The following SLC38A8 variants were observed in gnomAD, a reference collection of about 807,000 sequenced individuals.
SLC38A8 encodes the protein amino acid transporter SLC38A8.
In SLC38A8, 65 loss-of-function variants were observed where a neutral mutation model predicts 46.0. That is an observed-to-expected ratio of 1.41 (90% CI 1.16 to 1.74). The LOEUF (loss-of-function observed/expected upper bound fraction) is 1.74, where lower values mean the gene tolerates loss of function less well. Among genes scored for constraint, SLC38A8 ranks in the 40% most tolerant of loss-of-function variants. The pLI, the probability that SLC38A8 is intolerant of heterozygous loss-of-function variation, is 0.00. For missense variants in SLC38A8, 998 were observed against 567.9 expected, an observed-to-expected ratio of 1.76 and a Z score of -7.70; for synonymous variants, 447 against 243.7, an observed-to-expected ratio of 1.83 and a Z score of -7.77.
chr16:84,019,596 T>A (rs2085072167), intron 7 of SLC38A8, among the ~76,000 whole-genome samples: 1 of 152,070 alleles, frequency 6.6e-6, no homozygotes, highest in South Asian at 2.1e-4. Context: ...TGTCCCTGAG[T>A]CCCCAAAACT....
intron 8 of SLC38A8, 57 bp from the exon 9 acceptor site, chr16:84,016,784 C>A (rs954887083): frequency 5.8e-6 from 9 of 1,552,104 alleles, no homozygotes; most frequent in African/African-American, 4.1e-5. Flanking sequence ...AGCCTCCACC[C>A]GACAGCTGCT....
chr16:84,027,388 C>A (rs28539734), intron 6 of SLC38A8, among the ~76,000 whole-genome samples: 23,073 of 141,450 alleles, frequency 0.16, 2,374 homozygotes, highest in African/African-American at 0.39. Flanking sequence ...AACAAACAAA[C>A]ACACACTAGA....
At chr16:84,033,294 G>C in intron 4 of SLC38A8, 34 bp downstream of exon 4, 1 of 1,613,266 alleles carries the variant, frequency 6.2e-7, no homozygotes. Context: ...TCAGCAAGGT[G>C]GGGGCCCCCA....
At chr16:84,012,325 A>C (rs1834127633) in intron 10 of SLC38A8, among the ~76,000 whole-genome samples, 1 of 152,208 alleles carries the variant, frequency 6.6e-6, no homozygotes, top group Admixed American at 6.5e-5. Flanking sequence ...TCAGTGGCAA[A>C]GTACAGAGGC....
In SLC38A8 at chr16:84,025,133, C is replaced by T. The variant is rs116461685; in HGVS notation, c.691-2244G>A. Among the ~76,000 whole-genome samples the T allele has an allele frequency of 2.9e-3, 424 of 148,478 alleles. 4 individuals are homozygous for T. The highest frequency in any genetic ancestry group is 9.5e-3 in the African/African-American group (385 of 40,618). ...GCCAGGGCTGGGCAGGGAGGCTCTG[C>T]TCTGTCCAGACACACCGGGCGGGGA... is the stretch of plus-strand genomic sequence containing the variant. On this transcript the variant is annotated intron_variant, in intron 6 of 10. Coordinates refer to ENST00000299709, the MANE Select transcript of SLC38A8 (RefSeq NM_001080442.3).
At chr16:84,026,463 G>A (rs1387185444) in intron 6 of SLC38A8, among the ~76,000 whole-genome samples, 1 of 152,190 alleles carries the variant, frequency 6.6e-6, no homozygotes, top group Non-Finnish European at 1.5e-5. Flanking sequence ...CTGACCTCAG[G>A]TGATCCACCC....
intron 7 of SLC38A8, among the ~76,000 whole-genome samples, chr16:84,020,014 G>A (rs189292410): frequency 2.2e-4 from 33 of 152,364 alleles, no homozygotes; most frequent in Non-Finnish European, 4.0e-4. Context: ...GCAGGCAGGT[G>A]TTGCACGTTG....
chr16:84,040,211 C>T (rs1400420736), intron 2 of SLC38A8, among the ~76,000 whole-genome samples: 1 of 152,174 alleles, frequency 6.6e-6, no homozygotes, highest in Non-Finnish European at 1.5e-5. Context: ...GCCCCAACTC[C>T]ATCTCCCCGG....
At chr16:84,033,209 T>C (rs1238737965) in intron 4 of SLC38A8, 119 bp downstream of exon 4, 1 of 1,398,178 alleles carries the variant, frequency 7.2e-7, no homozygotes, top group Non-Finnish European at 9.8e-7. Context: ...TTTTTCGTTT[T>C]CCCCTTCTCC....
chr16:84,040,999 G>A (rs1239438480), intron 2 of SLC38A8: 1 of 152,238 alleles, frequency 6.6e-6, no homozygotes, highest in Non-Finnish European at 1.5e-5. Flanking sequence ...CACACAAACG[G>A]TTGGAACTCA....
At chr16:84,028,946 G>A (rs981944532) in intron 6 of SLC38A8, among the ~76,000 whole-genome samples, 9 of 151,960 alleles carry the variant, frequency 5.9e-5, no homozygotes, top group South Asian at 2.1e-4. Context: ...ATATAGCCCC[G>A]TCCTCCCTCC....
chr16:84,022,925 T>C lies in SLC38A8; in HGVS notation c.691-36A>G, dbSNP rs138300231. On this transcript the variant is annotated intron_variant, in intron 6 of 10. Coordinates refer to ENST00000299709, the MANE Select transcript of SLC38A8 (RefSeq NM_001080442.3). ...GAGGGCGGCTCAGCAGGATGCTGGC[T>C]TCCCCTGGAACAGGCGATGCGAAAA... 8.3e-5 allele frequency: 124 copies of C among 1,496,616 alleles called. 1 individual carries two copies. The East Asian group carries it at 2.4e-3, about 29-fold the overall frequency. The allele number at this position is 1,496,616 out of a possible 1,614,324, so 92.7% of individuals were successfully genotyped here. A position where few individuals can be genotyped will look rare whatever the true frequency, so the allele number is the denominator to read the frequency against.
chr16:84,040,798 C>T (rs571749999), intron 2 of SLC38A8, among the ~76,000 whole-genome samples: 1 of 152,344 alleles, frequency 6.6e-6, no homozygotes, highest in African/African-American at 2.4e-5. Flanking sequence ...ACCCTCCCGG[C>T]ATGATCCACC....
intron 6 of SLC38A8, among the ~76,000 whole-genome samples, chr16:84,024,425 T>G (rs2085136285): frequency 6.6e-6 from 1 of 151,966 alleles, no homozygotes; most frequent in Non-Finnish European, 1.5e-5. Context: ...GCGACCCTCC[T>G]GCTTTGGCCT....
In SLC38A8 at chr16:84,040,322, G is replaced by C. The variant is rs754410229; in HGVS notation, c.189+1647C>G. 1.5e-4 allele frequency among the ~76,000 whole-genome samples: 23 copies of C among 152,184 alleles called. 1 individual carries two copies. Among genetic ancestry groups the C allele is most frequent in the Admixed American group, 2.0e-4 (3 of 15,284 alleles). Reference sequence around the variant, plus strand: ...CATGAGTTTCCATTTATTCACCTCAGGGTTCCCTTCTCCTCAAGTCTGCTG... The same window carrying C: ...CATGAGTTTCCATTTATTCACCTCACGGTTCCCTTCTCCTCAAGTCTGCTG... On this transcript the variant is annotated intron_variant, in intron 2 of 10. Coordinates refer to ENST00000299709, the MANE Select transcript of SLC38A8 (RefSeq NM_001080442.3).
intron 7 of SLC38A8, among the ~76,000 whole-genome samples, chr16:84,018,146 C>T (rs1261484505): frequency 6.7e-6 from 1 of 149,974 alleles, no homozygotes; most frequent in East Asian, 2.0e-4. Context: ...TGAGGGCCTT[C>T]TTGCCAATGG....
At chr16:84,040,082 C>T (rs185940218) in intron 2 of SLC38A8, 1 of 152,268 alleles carries the variant, frequency 6.6e-6, no homozygotes, top group African/African-American at 2.4e-5. Context: ...ACGCGTCAGG[C>T]TTCCAACCTC....
At chr16:84,016,906 G>C in intron 8 of SLC38A8, 179 bp from the exon 9 acceptor site, 1 of 972,388 alleles carries the variant, frequency 1.0e-6, no homozygotes. Context: ...CCATCGGGCA[G>C]CCCATGGGGC....
At chr16:84,013,976 C>T (rs2084991216) in intron 9 of SLC38A8, among the ~76,000 whole-genome samples, 1 of 152,062 alleles carries the variant, frequency 6.6e-6, no homozygotes, top group Non-Finnish European at 1.5e-5. Flanking sequence ...CACCCAGAGC[C>T]TGAGTGAGGA....
Sources: allele counts gnomAD v4.1 joint callset (sites outside exome capture counted in the v4.1 genomes callset), GRCh38; gene constraint gnomAD v4.1.1; transcripts MANE v1.5; gene names NCBI Gene and HGNC (gene_info 2026-07-23, HGNC 2026-07-21).